Variants in RXRA observed in about 807,000 individuals in gnomAD.
RXRA encodes retinoic acid receptor RXR-alpha.
RXRA carries 5 observed loss-of-function variants against 44.5 expected under a neutral mutation model. The ratio of observed to expected loss-of-function variants is 0.11; its 90% confidence interval spans 0.06 to 0.24. The LOEUF is 0.24. RXRA is among the 10% of genes least tolerant of loss of function. RXRA has a pLI of 1.00. For synonymous variants in RXRA, 291 were observed against 271.4 expected (o/e 1.07, Z -0.71); for missense variants, 412 against 646.5 (o/e 0.64, Z 3.93).
intron 8 of RXRA, among the ~76,000 whole-genome samples, chr9:134,432,382 G>C (rs1023641669): frequency 2.0e-5 from 3 of 152,210 alleles, no homozygotes; most frequent in African/African-American, 7.2e-5. Flanking sequence ...GCTGGGGATG[G>C]GTCAGGCCTG....
rs1191066303 is a variant in RXRA, at chr9:134,434,098, T to C, written c.1136-4T>C. On this transcript the variant is annotated splice_polypyrimidine_tract_variant and splice_region_variant and intron_variant, in intron 8 of 9. Coordinates refer to ENST00000481739, the MANE Select transcript of RXRA (RefSeq NM_002957.6). ...GGTTCTGACCTGTGGCTTCTTCCTTTCAGACTCCAAGGGGCTCTCGAACCC... is the reference window on the plus strand; with the variant it reads ...GGTTCTGACCTGTGGCTTCTTCCTTCCAGACTCCAAGGGGCTCTCGAACCC... 8 of 1,612,356 alleles carry C rather than the reference T, an allele frequency of 5.0e-6. No homozygotes were observed. The South Asian group carries it at 8.8e-5, about 18-fold the overall frequency.
Position 134,401,768 on chromosome 9 carries a change from C to T in RXRA, c.165C>T (p.Ser55=). The part of the protein sequence containing the change: ...GQLHSPISTL[S]SPINGMGPPF... ...TGCATTCTCCCATCAGCACCCTGAG[C>T]TCCCCCATCAACGGCATGGGCCCGC... The change falls in exon 2 of 10, where the codon AGC becomes AGT. Residue 55 remains serine, a synonymous_variant. Transcript: ENST00000481739. 1.2e-6 allele frequency: 2 copies of T among 1,613,272 alleles called. No individual in the cohort carries two copies. The highest frequency in any genetic ancestry group is 1.7e-6 in the Non-Finnish European group (2 of 1,179,970).
chr9:134,423,707 A>G, intron 6 of RXRA: 3 of 985,402 alleles, frequency 3.0e-6, no homozygotes, highest in Non-Finnish European at 3.6e-6. Context: ...GACTTCTTTC[A>G]GGGTATGGTG....
intron 6 of RXRA, chr9:134,424,579 G>C: frequency 1.0e-6 from 1 of 985,440 alleles, no homozygotes; most frequent in Non-Finnish European, 1.2e-6. Context: ...CTGTGCCTCA[G>C]TGTCCTTGTG....
intron 1 of RXRA, among the ~76,000 whole-genome samples, chr9:134,353,644 GCCT>G (rs1232962241): frequency 2.0e-5 from 3 of 152,238 alleles, no homozygotes; most frequent in Non-Finnish European, 2.9e-5. Context: ...CAGCTTTTCT[GCCT>G]CCTCCTGCTT....
rs190758119 is a variant in RXRA at position 134,434,139 on chromosome 9, G to A, written c.1173G>A (p.Ala391=). The A allele has an allele frequency of 8.7e-6, 14 of 1,613,762 alleles. No individual in the cohort carries two copies. The highest frequency in any genetic ancestry group is 3.3e-5 in the South Asian group (3 of 91,076). Residue 391 remains alanine (A), a synonymous_variant, in exon 9 of 10, where the codon GCG becomes GCA. Transcript: ENST00000481739. ...KGLSNPAEVE[A]LREKVYASLE... ...TCTCGAACCCGGCCGAGGTGGAGGC[G>A]CTGAGGGAGAAGGTCTATGCGTCCT...
chr9:134,331,960 C>A (rs1303351619), intron 1 of RXRA, among the ~76,000 whole-genome samples: 1 of 152,204 alleles, frequency 6.6e-6, no homozygotes, highest in Non-Finnish European at 1.5e-5. Context: ...TGGTCTTGGC[C>A]CGAGTGAGTG....
rs563704074 is a variant in RXRA, at chr9:134,343,720, G to A, written c.28+17061G>A. On this transcript the variant is annotated intron_variant, in intron 1 of 9. Coordinates refer to ENST00000481739, the MANE Select transcript of RXRA (RefSeq NM_002957.6). This position sits in a 1 kb window ranked among gnomAD's most constrained non-coding sequence, Gnocchi z 4.1. ...GGACTGCCACGGGCCTGGGGGCCTC[G>A]GGACCAACCCTCCATCCGCCCGTCC... Among the ~76,000 whole-genome samples the A allele has an allele frequency of 5.8e-4, 88 of 152,220 alleles. No homozygotes were observed. The highest frequency in any genetic ancestry group is 3.4e-3 in the Middle Eastern group (1 of 292).
chr9:134,385,258 C>T (rs534839411), intron 1 of RXRA, among the ~76,000 whole-genome samples: 9 of 152,314 alleles, frequency 5.9e-5, no homozygotes, highest in South Asian at 2.1e-4. Context: ...ACTACCGGCC[C>T]GGGGCTTGTC....
intron 6 of RXRA, among the ~76,000 whole-genome samples, chr9:134,427,890 G>A (rs138772434): frequency 6.1e-4 from 93 of 152,334 alleles, no homozygotes; most frequent in African/African-American, 2.1e-3. Flanking sequence ...CCTCTAGAGC[G>A]CTCAGGGAGT....
intron 1 of RXRA, among the ~76,000 whole-genome samples, chr9:134,385,355 G>A (rs1470728644): frequency 6.6e-6 from 1 of 152,218 alleles, no homozygotes; most frequent in East Asian, 1.9e-4. Flanking sequence ...AGCCATGAAG[G>A]CCCCTTCCCC....
chr9:134,344,735 A>G (rs1458552555), intron 1 of RXRA, among the ~76,000 whole-genome samples: 4 of 152,150 alleles, frequency 2.6e-5, no homozygotes, highest in African/African-American at 9.7e-5. Flanking sequence ...GGCAGGCCCC[A>G]CCACCATACC....
At chr9:134,351,662 C>T (rs1470368715) in intron 1 of RXRA, among the ~76,000 whole-genome samples, 6 of 152,268 alleles carry the variant, frequency 3.9e-5, no homozygotes, top group Non-Finnish European at 7.3e-5. Context: ...GATAATGGAG[C>T]TGCGTCAATT....
Position 134,379,411 on chromosome 9 carries a change from G to A in RXRA, c.29-22221G>A, listed in dbSNP as rs114178983. 2,473 of 987,474 alleles carry A rather than the reference G, an allele frequency of 2.5e-3. 56 individuals carry two copies. In the African/African-American group the frequency reaches 0.04, roughly 16 times the overall value. The allele number at this position is 987,474 out of a possible 1,614,324, so 61.2% of individuals were successfully genotyped here. A position where few individuals can be genotyped will look rare whatever the true frequency, so the allele number is the denominator to read the frequency against. On this transcript the variant is annotated intron_variant, in intron 1 of 9. Transcript: ENST00000481739. ...TGCTTCTGGGGCACCCTGAGATGGGGCCTCCCTTCACTTCCTGGCCATCCA... is the reference window on the plus strand; with the variant it reads ...TGCTTCTGGGGCACCCTGAGATGGGACCTCCCTTCACTTCCTGGCCATCCA...
chr9:134,415,523 AC>A (rs2119173895), intron 4 of RXRA, among the ~76,000 whole-genome samples: 1 of 151,928 alleles, frequency 6.6e-6, no homozygotes, highest in East Asian at 1.9e-4. Context: ...GCCTGTGAGT[AC>A]CCCAGGTGTT....
chr9:134,399,423 C>T (rs931451403), intron 1 of RXRA, among the ~76,000 whole-genome samples: 20 of 152,214 alleles, frequency 1.3e-4, no homozygotes, highest in African/African-American at 3.6e-4. Context: ...TTCATAGACT[C>T]GTGAGCAGCC....
rs1463577229 is a variant in RXRA at position 134,366,697 on chromosome 9, C to G, written c.29-34935C>G. Reference sequence around the variant, plus strand: ...TCCCGCCAGCCTGATCTTCCTGCCTCAGAAGCTGAACCCCGGGGACAGTGT... The same window carrying G: ...TCCCGCCAGCCTGATCTTCCTGCCTGAGAAGCTGAACCCCGGGGACAGTGT... On this transcript the variant is annotated intron_variant, in intron 1 of 9. Transcript: ENST00000481739. This position sits in a 1 kb window ranked among gnomAD's most constrained non-coding sequence, Gnocchi z 5.9. Among the ~76,000 whole-genome samples the G allele has an allele frequency of 6.6e-6, 1 of 152,200 alleles. No homozygotes were observed. Among genetic ancestry groups the G allele is most frequent in the African/African-American group, 2.4e-5 (1 of 41,456 alleles).
chr9:134,366,636 C>G lies in RXRA; in HGVS notation c.29-34996C>G, dbSNP rs923191613. ...CCCCTCCACTAGTGGGCTTTGGCCT[C>G]CTCGTGAGGAGCTGGGTGGGGCTGG... On this transcript the variant is annotated intron_variant, in intron 1 of 9. Transcript: ENST00000481739. This position sits in a 1 kb window ranked among gnomAD's most constrained non-coding sequence, Gnocchi z 5.9. Among the ~76,000 whole-genome samples the G allele has an allele frequency of 2.6e-5, 4 of 152,154 alleles. No individual in the cohort carries two copies. The highest frequency in any genetic ancestry group is 9.7e-5 in the African/African-American group (4 of 41,442).
intron 1 of RXRA, among the ~76,000 whole-genome samples, chr9:134,375,764 C>T (rs1830547988): frequency 6.8e-6 from 1 of 147,982 alleles, no homozygotes; most frequent in African/African-American, 2.5e-5. Flanking sequence ...CTCCCTGGTG[C>T]GGAGTAGGAG....
Sources: allele counts gnomAD v4.1 joint callset (sites outside exome capture counted in the v4.1 genomes callset), GRCh38; gene constraint gnomAD v4.1.1; non-coding constraint Gnocchi (gnomAD v3.1); transcripts MANE v1.5; gene names NCBI Gene and HGNC (gene_info 2026-07-23, HGNC 2026-07-21).